Variants in ABCB1 observed in about 807,000 individuals in gnomAD.
ABCB1 encodes the protein ATP binding cassette subfamily B member 1, also known as ATP-dependent translocase ABCB1.
In ABCB1, 69 loss-of-function variants were observed where a neutral mutation model predicts 142.0. That is an observed-to-expected ratio of 0.49 (90% CI 0.40 to 0.59). ABCB1 has a LOEUF of 0.59. ABCB1 is among the 20% of genes least tolerant of loss of function. The pLI, the probability that ABCB1 is intolerant of heterozygous loss-of-function variation, is 0.00. For synonymous variants in ABCB1, 532 were observed against 539.2 expected, an observed-to-expected ratio of 0.99 and a Z score of 0.18; for missense variants, 1,326 against 1,554.7, an observed-to-expected ratio of 0.85 and a Z score of 2.47.
intron 1 of ABCB1, chr7:87,628,553 G>A (rs1009008796): frequency 3.2e-6 from 1 of 314,530 alleles, no homozygotes; most frequent in East Asian, 4.9e-5. Context: ...GCAGTCGGCG[G>A]CGCGCCGAGG....
At chr7:87,672,875 C>G (rs1439453311) in intron 1 of ABCB1, among the ~76,000 whole-genome samples, 1 of 152,104 alleles carries the variant, frequency 6.6e-6, no homozygotes. Flanking sequence ...CTCCATGGGT[C>G]AAGTTGTTTC....
rs180856178 is a variant in ABCB1, at chr7:87,638,923, C to T, written c.-330-37845G>A. ...ATCCCAGCACTTTGGGAGGCCAAGG[C>T]GGGTGGATCACGAGGTCAGGAGATC... is the stretch of plus-strand genomic sequence containing the variant. On this transcript the variant is annotated intron_variant, in intron 1 of 28. Transcript: ENST00000265724. Among the ~76,000 whole-genome samples the T allele has an allele frequency of 2.1e-3, 326 of 151,992 alleles. 3 individuals are homozygous for T. Among genetic ancestry groups the T allele is most frequent in the African/African-American group, 7.6e-3 (316 of 41,490 alleles).
At chr7:87,537,290 A>G (rs1816341194) in intron 19 of ABCB1, among the ~76,000 whole-genome samples, 2 of 152,214 alleles carry the variant, frequency 1.3e-5, no homozygotes, top group Non-Finnish European at 2.9e-5. Context: ...ATGGTCTTAC[A>G]GGCGACTGTC....
In ABCB1 at chr7:87,549,411, C is replaced by G. The variant is rs2235012; in HGVS notation, c.1662G>C (p.Leu554=). The part of the protein sequence containing the change: ...ALVRNPKILL[L]DEATSALDTE... ...TGTCCAAGGCTGACGTGGCCTCATCCAGCAGGAGGATCTTGGGGTTGCGAA... is the reference window on the plus strand; with the variant it reads ...TGTCCAAGGCTGACGTGGCCTCATCGAGCAGGAGGATCTTGGGGTTGCGAA... The change falls in exon 14 of 28, where the codon CTG becomes CTC. Residue 554 remains leucine (L), a synonymous_variant. Transcript: ENST00000622132. 1,119 of 1,614,202 alleles carry G rather than the reference C, an allele frequency of 6.9e-4. 11 individuals carry two copies. The African/African-American group carries it at 0.013, about 19-fold the overall frequency.
At chr7:87,620,059 G>T (rs1820170077) in intron 1 of ABCB1, among the ~76,000 whole-genome samples, 1 of 152,060 alleles carries the variant, frequency 6.6e-6, no homozygotes, top group African/African-American at 2.4e-5. Flanking sequence ...GTCTCATTTA[G>T]TCTATCCATA....
At chr7:87,659,054 T>C (rs368340176) in intron 1 of ABCB1, among the ~76,000 whole-genome samples, 15 of 152,024 alleles carry the variant, frequency 9.9e-5, no homozygotes, top group African/African-American at 3.6e-4. Flanking sequence ...TTTGGGCGGC[T>C]GAGGTGGGAG....
intron 8 of ABCB1, among the ~76,000 whole-genome samples, chr7:87,555,107 C>A (rs527472402): frequency 4.6e-5 from 7 of 152,240 alleles, no homozygotes; most frequent in African/African-American, 1.7e-4. Context: ...TTGAAAGGAA[C>A]AGAGAAGACT....
chr7:87,612,140 C>T (rs1034820582), intron 1 of ABCB1, among the ~76,000 whole-genome samples: 5 of 152,178 alleles, frequency 3.3e-5, no homozygotes, highest in Non-Finnish European at 5.9e-5. Flanking sequence ...TGTCTGAGCT[C>T]CTTATAGATT....
chr7:87,529,860 C>T (rs572099241), intron 21 of ABCB1, among the ~76,000 whole-genome samples: 5 of 152,320 alleles, frequency 3.3e-5, no homozygotes, highest in East Asian at 1.9e-4. Flanking sequence ...CAGGGGCCAA[C>T]GTTACTTGAG....
rs199651449 is a variant in ABCB1, at chr7:87,553,866, A to G, written c.894T>C (p.Ser298=). The change falls in exon 9 of 28, where the codon TCT becomes TCC. Residue 298 remains serine (S), a synonymous_variant. Transcript: ENST00000622132. ...AGATCAGCAGGAAAGCAGCACCTAT[A>G]GAAATATTGGCTGTAATAGCTTTCT... The part of the protein sequence containing the change: ...GIKKAITANI[S]IGAAFLLIYA... The G allele has an allele frequency of 1.2e-6, 2 of 1,614,120 alleles. No homozygotes were observed. The highest frequency in any genetic ancestry group is 1.7e-6 in the Non-Finnish European group (2 of 1,179,966).
intron 4 of ABCB1, among the ~76,000 whole-genome samples, chr7:87,581,150 TCTCA>T: frequency 6.6e-6 from 1 of 152,160 alleles, no homozygotes; most frequent in South Asian, 2.1e-4. Context: ...AGAGACAAAC[TCTCA>T]CTATCTTGCC....
intron 1 of ABCB1, among the ~76,000 whole-genome samples, chr7:87,668,460 G>T (rs1274359155): frequency 6.6e-6 from 1 of 151,010 alleles, no homozygotes; most frequent in Non-Finnish European, 1.5e-5. Context: ...TCTTTTGATT[G>T]TTTTTTTTGT....
rs1045274422 is a variant in ABCB1 at position 87,535,630 on chromosome 7, G to A, written c.2481+828C>T. 2.6e-5 allele frequency among the ~76,000 whole-genome samples: 4 copies of A among 151,992 alleles called. No homozygotes were observed. The South Asian group carries it at 8.3e-4, about 32-fold the overall frequency. On this transcript the variant is annotated intron_variant, in intron 20 of 27. Coordinates refer to ENST00000622132, the MANE Select transcript of ABCB1 (RefSeq NM_001348946.2). The stretch of plus-strand genomic sequence containing the variant: ...ACTATTCCAAACAATAGAAAAAGAG[G>A]GACTCCTAAGGTTTATATTTCAACG...
intron 1 of ABCB1, chr7:87,629,137 G>C (rs1457269600): frequency 1.8e-5 from 8 of 451,190 alleles, no homozygotes. Flanking sequence ...CGCAGCCCTG[G>C]ACTTTGTGTC....
At chr7:87,646,976 C>G (rs1312659357) in intron 1 of ABCB1, among the ~76,000 whole-genome samples, 1 of 152,154 alleles carries the variant, frequency 6.6e-6, no homozygotes, top group East Asian at 1.9e-4. Context: ...CCATTGAGCT[C>G]CAGTTGCTGT....
chr7:87,562,578 T>G (rs1411562707), intron 7 of ABCB1, among the ~76,000 whole-genome samples: 2 of 152,148 alleles, frequency 1.3e-5, no homozygotes, highest in African/African-American at 4.8e-5. Context: ...TTTAAAGAAA[T>G]ACTTTAAAGT....
intron 1 of ABCB1, among the ~76,000 whole-genome samples, chr7:87,635,967 A>G (rs919322398): frequency 2.6e-5 from 4 of 152,180 alleles, no homozygotes; most frequent in Non-Finnish European, 5.9e-5. Context: ...CATTGGATGA[A>G]TATACCACAA....
In ABCB1 at chr7:87,550,272, C is replaced by T. The variant is rs1364926780; in HGVS notation, c.1249G>A (p.Val417Met). 2 of 1,614,118 alleles carry T rather than the reference C, an allele frequency of 1.2e-6. No homozygotes were observed. The highest frequency in any genetic ancestry group is 1.7e-6 in the Non-Finnish European group (2 of 1,180,024). ...VKILKGLNLK[V>M]QSGQTVALVG... ...AGGGCCACCGTCTGCCCACTCTGCA[C>T]CTTCAGGTTCAGACCCTTCAAGATC... Residue 417 changes from valine (V) to methionine (M), a missense_variant, in exon 12 of 28, where the codon GTG becomes ATG. Physicochemically the swap from Val to Met is conservative, Grantham distance 21. Coordinates refer to ENST00000622132, the MANE Select transcript of ABCB1 (RefSeq NM_001348946.2).
intron 4 of ABCB1, among the ~76,000 whole-genome samples, chr7:87,584,057 T>C (rs1293048560): frequency 6.6e-6 from 1 of 152,182 alleles, no homozygotes; most frequent in Non-Finnish European, 1.5e-5. Context: ...TGCAGCATCT[T>C]TCTGCAGGTC....
Sources: gnomAD v4.1 joint callset for allele counts (sites outside exome capture counted in the v4.1 genomes callset) on GRCh38, gnomAD v4.1.1 for gene constraint, MANE v1.5 for transcripts, NCBI Gene and HGNC (gene_info 2026-07-23, HGNC 2026-07-21) for gene names.